Variants in VWA8 observed in about 807,000 individuals in gnomAD.
VWA8 encodes the protein von Willebrand factor A domain-containing protein 8.
In VWA8, 221 loss-of-function variants were observed where a neutral mutation model predicts 241.5. The observed-to-expected ratio is 0.91, with a 90% confidence interval of 0.82 to 1.02. VWA8 has a LOEUF of 1.02. Among genes scored for constraint, VWA8 ranks in the 50% least tolerant of loss-of-function variants. The pLI, the probability that VWA8 is intolerant of heterozygous loss-of-function variation, is 0.00. For missense variants in VWA8, 2,322 were observed against 2,328.7 expected (o/e 1.00, Z 0.06); for synonymous variants, 852 against 827.1 (o/e 1.03, Z -0.52).
At chr13:41,734,446 G>A (rs183816147) in intron 21 of VWA8, among the ~76,000 whole-genome samples, 4 of 152,338 alleles carry the variant, frequency 2.6e-5, no homozygotes, top group East Asian at 3.9e-4. Flanking sequence ...GGACTGAGGA[G>A]TTGATGGTTT....
chr13:41,947,707 G>A (rs1877912800), intron 2 of VWA8, among the ~76,000 whole-genome samples: 1 of 152,028 alleles, frequency 6.6e-6, no homozygotes, highest in African/African-American at 2.4e-5. Context: ...GGCTGAGGTG[G>A]GCGGATCACA....
chr13:41,574,237 A>AAAATC (rs2044336573), intron 43 of VWA8, among the ~76,000 whole-genome samples: 2 of 152,116 alleles, frequency 1.3e-5, no homozygotes, highest in Non-Finnish European at 2.9e-5. Flanking sequence ...CTCAGGTTAC[A>AAAATC]AAATCAATAT....
chr13:41,851,270 A>T (rs545055404), intron 12 of VWA8, among the ~76,000 whole-genome samples: 16 of 152,354 alleles, frequency 1.1e-4, no homozygotes, highest in Admixed American at 1.0e-3. Context: ...GCCAAATGAA[A>T]GACCCCACCA....
chr13:41,812,417 G>C (rs1344200888), intron 16 of VWA8, among the ~76,000 whole-genome samples: 1 of 152,098 alleles, frequency 6.6e-6, no homozygotes, highest in African/African-American at 2.4e-5. Flanking sequence ...CTTTGGGAGG[G>C]CAAGGCAGGT....
At chr13:41,683,047 G>A (rs1329992342) in intron 35 of VWA8, among the ~76,000 whole-genome samples, 2 of 151,962 alleles carry the variant, frequency 1.3e-5, no homozygotes, top group Admixed American at 6.6e-5. Context: ...AAATAGTTTG[G>A]CAGTTTCATC....
intron 20 of VWA8, among the ~76,000 whole-genome samples, chr13:41,763,308 A>AATAAATAGATAGATAG (rs1555332023): frequency 6.4e-4 from 93 of 145,886 alleles, no homozygotes; most frequent in Non-Finnish European, 6.4e-4. Context: ...TAAATAAATA[A>AATAAATAGATAGATAG]ATAGATAGAT....
intron 2 of VWA8, among the ~76,000 whole-genome samples, chr13:41,920,046 C>T (rs1876439414): frequency 6.6e-6 from 1 of 152,208 alleles, no homozygotes; most frequent in Admixed American, 6.5e-5. Context: ...TGAGGCTGTA[C>T]TGCTCCCTGT....
At position 41,571,340 on chromosome 13, in the gene VWA8, C is replaced by CG. The variant is rs753898682; in HGVS notation, c.5371-635_5371-634insC. On this transcript the variant is annotated intron_variant, in intron 43 of 44. Transcript: ENST00000379310. ...CTCTCCCTCTCCCGTCTCCCTCTCC[C>CG]TCTCCCGTCTCCCTCTCCCTCTCCC... Among the ~76,000 whole-genome samples, 26 of 114,714 alleles carry CG rather than the reference C, an allele frequency of 2.3e-4. 1 individual carries two copies. Among genetic ancestry groups the CG allele is most frequent in the South Asian group, 7.2e-4 (2 of 2,764 alleles). 75.3% of individuals were successfully genotyped at this position (114,714 alleles called of 152,430 possible). A position where few individuals can be genotyped will look rare whatever the true frequency, so the allele number is the denominator to read the frequency against.
rs369233240 is a variant in VWA8 at position 41,692,960 on chromosome 13, G to A, written c.3577C>T (p.Leu1193=). 13 of 1,604,160 alleles carry A rather than the reference G, an allele frequency of 8.1e-6. No homozygotes were observed. The highest frequency in any genetic ancestry group is 8.1e-5 in the African/African-American group (6 of 74,242). ...GCCCGGCCAGTAGTATCTAACAACA[G>A]GATAACATTACTCTGCAAATGATAA... ...VLHEQQSNVI[L]LLDTTGRALH... The change falls in exon 30 of 45, where the codon CTG becomes TTG. Residue 1193 remains leucine, a synonymous_variant. Coordinates refer to ENST00000379310, the MANE Select transcript of VWA8 (RefSeq NM_015058.2).
chr13:41,739,139 C>A (rs949798068), intron 21 of VWA8, among the ~76,000 whole-genome samples: 1 of 152,076 alleles, frequency 6.6e-6, no homozygotes, highest in Admixed American at 6.6e-5. Context: ...GGTAAAAATT[C>A]CTTTTCTTGA....
intron 37 of VWA8, among the ~76,000 whole-genome samples, chr13:41,637,190 T>G (rs895234830): frequency 6.6e-6 from 1 of 151,092 alleles, no homozygotes; most frequent in Non-Finnish European, 1.5e-5. Context: ...TAGACTGGAT[T>G]AAGAAAATGT....
At chr13:41,689,222 G>T in intron 34 of VWA8, 132 bp downstream of exon 34, 1 of 1,010,568 alleles carries the variant, frequency 9.9e-7, no homozygotes. Flanking sequence ...TGACTGATTT[G>T]GAAGGAAGAC....
intron 2 of VWA8, among the ~76,000 whole-genome samples, chr13:41,916,080 C>A (rs1876239977): frequency 6.6e-6 from 1 of 152,164 alleles, no homozygotes; most frequent in Non-Finnish European, 1.5e-5. Context: ...AGTTATTTAA[C>A]CTCTCTGCTC....
intron 43 of VWA8, among the ~76,000 whole-genome samples, chr13:41,572,556 G>A (rs889978525): frequency 1.3e-5 from 2 of 151,992 alleles, no homozygotes; most frequent in Non-Finnish European, 2.9e-5. Context: ...GATTAAGGGC[G>A]GTGCAAGATG....
chr13:41,930,980 C>A (rs2138139937), intron 2 of VWA8, among the ~76,000 whole-genome samples: 2 of 151,764 alleles, frequency 1.3e-5, no homozygotes, highest in South Asian at 4.2e-4. Context: ...GAAACCCCGT[C>A]TCTACTAAAA....
At chr13:41,692,022 ATAAAGTTCTTCAAC>A in intron 30 of VWA8, 84 bp from the exon 31 acceptor site, 1 of 874,434 alleles carries the variant, frequency 1.1e-6, no homozygotes, top group South Asian at 1.6e-5. Flanking sequence ...CTTAAATAAA[ATAAAGTTCTTCAAC>A]TAGTAAAACA....
chr13:41,835,336 T>C (rs1162935507), intron 12 of VWA8, among the ~76,000 whole-genome samples: 9 of 152,196 alleles, frequency 5.9e-5, no homozygotes, highest in Admixed American at 5.9e-4. Flanking sequence ...AACAGTAACA[T>C]TCAAACTCAG....
intron 15 of VWA8, among the ~76,000 whole-genome samples, chr13:41,818,191 G>C (rs934862345): frequency 3.3e-5 from 5 of 151,418 alleles, no homozygotes; most frequent in Non-Finnish European, 5.9e-5. Context: ...TCGAACTCCT[G>C]ACCTCAGGTG....
In VWA8 at chr13:41,763,863, A is replaced by G. The variant is rs2137910299; in HGVS notation, c.2350-2659T>C. Among the ~76,000 whole-genome samples, 2 of 152,278 alleles carry G rather than the reference A, an allele frequency of 1.3e-5. 1 individual carries two copies. The highest frequency in any genetic ancestry group is 4.1e-4 in the South Asian group (2 of 4,830). On this transcript the variant is annotated intron_variant, in intron 20 of 44. Transcript: ENST00000379310. ...CTGAGCAAGGCACGATTTAGGAGTC[A>G]CAAGTCCCATAAATGTAGTTTGAGA...
Sources: gnomAD v4.1 joint callset for allele counts (sites outside exome capture counted in the v4.1 genomes callset) on GRCh38, gnomAD v4.1.1 for gene constraint, MANE v1.5 for transcripts, NCBI Gene and HGNC (gene_info 2026-07-23, HGNC 2026-07-21) for gene names.